CLMN: variants seen among roughly 807,000 people sequenced by gnomAD.
CLMN encodes calmin, also known as calmin (calponin-like, transmembrane).
In CLMN, 57 loss-of-function variants were observed where a neutral mutation model predicts 92.7. The ratio of observed to expected loss-of-function variants is 0.61; its 90% CI spans 0.50 to 0.77. CLMN has a LOEUF of 0.77. Among genes scored for constraint, CLMN ranks in the 30% least tolerant of loss-of-function variants. The pLI, the probability that CLMN is intolerant of heterozygous loss-of-function variation, is 0.00. For synonymous variants in CLMN, 466 were observed against 470.6 expected (o/e 0.99, Z 0.13); for missense variants, 1,158 against 1,237.5 (o/e 0.94, Z 0.96).
At chr14:95,295,685 G>A (rs1423513098) in intron 1 of CLMN, among the ~76,000 whole-genome samples, 1 of 152,222 alleles carries the variant, frequency 6.6e-6, no homozygotes, top group Non-Finnish European at 1.5e-5. Context: ...ACAAAGGTCA[G>A]TGTTCTCATG....
Position 95,221,793 on chromosome 14 carries a change from C to T in CLMN, c.241-19G>A, listed in dbSNP as rs1250330381. ...CGTGCAGCTATAAAACAGAACAGAA[C>T]AAAACAAGCACATTAAACCCGCACA... On this transcript the variant is annotated intron_variant, in intron 3 of 12. Coordinates refer to ENST00000298912, the MANE Select transcript of CLMN (RefSeq NM_024734.4). 1 of 1,612,132 alleles carries T rather than the reference C, an allele frequency of 6.2e-7. No homozygotes were observed. The highest frequency in any genetic ancestry group is 1.7e-5 in the Admixed American group (1 of 59,874).
chr14:95,240,982 G>A (rs564322317), intron 1 of CLMN, among the ~76,000 whole-genome samples: 3 of 152,260 alleles, frequency 2.0e-5, no homozygotes, highest in African/African-American at 7.2e-5. Context: ...TGGCTCAAGT[G>A]CGGAAGAAAG....
At chr14:95,317,497 T>C (rs143958206) in intron 1 of CLMN, among the ~76,000 whole-genome samples, 2 of 151,136 alleles carry the variant, frequency 1.3e-5, no homozygotes, top group African/African-American at 4.9e-5. Flanking sequence ...GGTGAATGAA[T>C]CATCAAACAG....
intron 8 of CLMN, among the ~76,000 whole-genome samples, chr14:95,208,210 T>C (rs1164329577): frequency 6.6e-6 from 1 of 152,188 alleles, no homozygotes; most frequent in Non-Finnish European, 1.5e-5. Context: ...TTTCCGTTAC[T>C]AGAACAACGC....
At chr14:95,283,153 C>T (rs1412775576) in intron 1 of CLMN, among the ~76,000 whole-genome samples, 2 of 152,230 alleles carry the variant, frequency 1.3e-5, no homozygotes, top group Non-Finnish European at 2.9e-5. Flanking sequence ...TCACAGGGGC[C>T]TGTATTTCCC....
intron 1 of CLMN, among the ~76,000 whole-genome samples, chr14:95,318,865 AT>A (rs1485145869): frequency 6.6e-6 from 1 of 152,234 alleles, no homozygotes; most frequent in Non-Finnish European, 1.5e-5. Flanking sequence ...TGGAGGGGAA[AT>A]TATGGGTGAC....
In CLMN at chr14:95,194,263, G is replaced by C. The variant is rs571989880; in HGVS notation, c.2769+273C>G. The C allele has an allele frequency of 1.2e-4, 166 of 1,358,742 alleles. 1 individual carries two copies. In the African/African-American group the frequency reaches 2.9e-3, roughly 24 times the overall value. The allele number at this position is 1,358,742 out of a possible 1,614,324, so 84.2% of individuals were successfully genotyped here. On this transcript the variant is annotated intron_variant, in intron 11 of 12. Transcript: ENST00000298912. The surrounding 1 kb of genome is among the most constrained non-coding windows in gnomAD (Gnocchi z 4.0). ...CTCTGAACGTGATCCTTCTGGGTGC[G>C]CGCGGGGTCCAGGTGAGGCGTTTTG...
At chr14:95,197,806 T>C (rs1478221948) in intron 9 of CLMN, among the ~76,000 whole-genome samples, 1 of 152,086 alleles carries the variant, frequency 6.6e-6, no homozygotes, top group Non-Finnish European at 1.5e-5. Context: ...GGTGTCAGAA[T>C]AAGAGCATTA....
At chr14:95,243,213 G>A (rs1595616274) in intron 1 of CLMN, among the ~76,000 whole-genome samples, 2 of 152,128 alleles carry the variant, frequency 1.3e-5, no homozygotes, top group Admixed American at 6.5e-5. Flanking sequence ...ACCGCTCATG[G>A]CCCAACTTTT....
At chr14:95,276,463 T>A (rs1417952899) in intron 1 of CLMN, among the ~76,000 whole-genome samples, 3 of 152,176 alleles carry the variant, frequency 2.0e-5, no homozygotes, top group African/African-American at 7.2e-5. Flanking sequence ...AAGGGGGAAC[T>A]TGGGAGCTGA....
intron 1 of CLMN, among the ~76,000 whole-genome samples, chr14:95,279,616 T>C (rs1900067333): frequency 6.6e-6 from 1 of 152,194 alleles, no homozygotes; most frequent in Admixed American, 6.5e-5. Flanking sequence ...ACCCTGTCTC[T>C]ACTAAAAATA....
chr14:95,182,105 C>A lies in CLMN; in HGVS notation c.*9459G>T, dbSNP rs1896340640. ...AAATTATTCAAATAGCCATTTATAT[C>A]TTAATTTACAGTAATCAATAAATAA... is the stretch of plus-strand genomic sequence containing the variant. On this transcript the variant is annotated 3_prime_UTR_variant, in exon 13 of 13. Transcript: ENST00000298912. The A allele has an allele frequency of 6.6e-6, 1 of 152,148 alleles. No individual in the cohort carries two copies. The highest frequency in any genetic ancestry group is 2.4e-5 in the African/African-American group (1 of 41,420). 9.4% of individuals were successfully genotyped at this position (152,148 alleles called of 1,614,324 possible).
chr14:95,186,308 G>A lies in CLMN; in HGVS notation c.*5256C>T, dbSNP rs772650290. On this transcript the variant is annotated 3_prime_UTR_variant, in exon 13 of 13. Transcript: ENST00000298912. Reference sequence around the variant, plus strand: ...TAAAGAGCAGGCATGCACTGCATGGGAAGAGGGTGGGGGGAACTATGCTGA... The same window carrying A: ...TAAAGAGCAGGCATGCACTGCATGGAAAGAGGGTGGGGGGAACTATGCTGA... 2 of 152,302 alleles carry A rather than the reference G, an allele frequency of 1.3e-5. No homozygotes were observed. Among genetic ancestry groups the A allele is most frequent in the Admixed American group, 1.3e-4 (2 of 15,282 alleles). 9.4% of individuals were successfully genotyped at this position (152,302 alleles called of 1,614,324 possible).
Position 95,302,052 on chromosome 14 carries a change from C to T in CLMN, c.82+17659G>A, listed in dbSNP as rs530577773. Among the ~76,000 whole-genome samples, 331 of 152,140 alleles carry T rather than the reference C, an allele frequency of 2.2e-3. 1 individual carries two copies. Among genetic ancestry groups the T allele is most frequent in the African/African-American group, 7.6e-3 (315 of 41,520 alleles). On this transcript the variant is annotated intron_variant, in intron 1 of 12. Transcript: ENST00000298912. ...TGGACAACAGGGCAAGACCCCATCTCGAAAAAAGAAAGGAAGCAGGTGGAT... is the reference window on the plus strand; with the variant it reads ...TGGACAACAGGGCAAGACCCCATCTTGAAAAAAGAAAGGAAGCAGGTGGAT...
At chr14:95,255,770 G>A (rs1016374107) in intron 1 of CLMN, among the ~76,000 whole-genome samples, 6 of 152,144 alleles carry the variant, frequency 3.9e-5, no homozygotes, top group South Asian at 2.1e-4. Context: ...TAGCACTGAC[G>A]CATTTCTTAA....
intron 1 of CLMN, among the ~76,000 whole-genome samples, chr14:95,292,148 G>A (rs114739979): frequency 0.021 from 3,198 of 152,126 alleles, 130 homozygotes; most frequent in African/African-American, 0.073. Context: ...ACAACTACAC[G>A]TCCTTAACAC....
Position 95,194,103 on chromosome 14 carries a change from A to C in CLMN, c.2770-184T>G. 7.0e-7 allele frequency: 1 copy of C among 1,423,236 alleles called. No individual in the cohort carries two copies. Among genetic ancestry groups the C allele is most frequent in the East Asian group, 2.6e-5 (1 of 39,200 alleles). 88.2% of individuals were successfully genotyped at this position (1,423,236 alleles called of 1,614,324 possible). The stretch of plus-strand genomic sequence containing the variant: ...TATACATTCCTCTACCTCCTCCCCT[A>C]AGCCCCTCCCTTGTGAGTGCGAGAG... On this transcript the variant is annotated intron_variant, in intron 11 of 12. Coordinates refer to ENST00000298912, the MANE Select transcript of CLMN (RefSeq NM_024734.4). This position sits in a 1 kb window ranked among gnomAD's most constrained non-coding sequence, Gnocchi z 4.0.
chr14:95,250,428 A>G (rs533633307), intron 1 of CLMN, among the ~76,000 whole-genome samples: 1 of 152,320 alleles, frequency 6.6e-6, no homozygotes, highest in East Asian at 1.9e-4. Context: ...GGTACTTGCA[A>G]TTCTATAGCA....
rs551436523 is a variant in CLMN at position 95,227,793 on chromosome 14, C to T, written c.144+2279G>A. ...GGCTTTCTTCATGATCTAACTCCTT[C>T]GGTAAATTAAGGAATTTTTCCAGAA... On this transcript the variant is annotated intron_variant, in intron 2 of 12. Coordinates refer to ENST00000298912, the MANE Select transcript of CLMN (RefSeq NM_024734.4). Among the ~76,000 whole-genome samples, 7 of 152,264 alleles carry T rather than the reference C, an allele frequency of 4.6e-5. No homozygotes were observed. In the East Asian group the frequency reaches 5.8e-4, roughly 13 times the overall value.
Sources: allele counts gnomAD v4.1 joint callset (sites outside exome capture counted in the v4.1 genomes callset), GRCh38; gene constraint gnomAD v4.1.1; non-coding constraint Gnocchi (gnomAD v3.1); transcripts MANE v1.5; gene names NCBI Gene and HGNC (gene_info 2026-07-23, HGNC 2026-07-21).